The following GUCY2D variants were observed in gnomAD, a reference collection of about 807,000 sequenced individuals.
GUCY2D encodes the protein guanylate cyclase 2D, retinal, also known as retinal guanylyl cyclase 1.
In GUCY2D, 70 loss-of-function variants were observed where a neutral mutation model predicts 101.3. The ratio of observed to expected loss-of-function variants is 0.69; its 90% confidence interval spans 0.57 to 0.84. The LOEUF is 0.84. Among genes scored for constraint, GUCY2D ranks in the 40% least tolerant of loss-of-function variants. The probability of loss-of-function intolerance (pLI) is 0.00; values close to 1 mark genes in which losing one functional copy is unlikely to be tolerated. For synonymous variants in GUCY2D, 688 were observed against 670.7 expected (o/e 1.03, Z -0.40); for missense variants, 1,460 against 1,542.5 (o/e 0.95, Z 0.90).
At chr17:8,012,918 A>G (rs1384587273) in intron 10 of GUCY2D, among the ~76,000 whole-genome samples, 185 bp from the exon 11 acceptor site, 2 of 152,218 alleles carry the variant, frequency 1.3e-5, no homozygotes, top group African/African-American at 4.8e-5. Context: ...TCTGAAGGGC[A>G]AGGCCTATTT....
Position 8,002,781 on chromosome 17 carries a change from G to T in GUCY2D, c.-10+47G>T. 2.1e-6 allele frequency: 1 copy of T among 475,736 alleles called. No individual in the cohort carries two copies. The highest frequency in any genetic ancestry group is 3.7e-6 in the Non-Finnish European group (1 of 270,046). The allele number at this position is 475,736 out of a possible 1,614,324, so 29.5% of individuals were successfully genotyped here. On this transcript the variant is annotated intron_variant, in intron 1 of 19. Coordinates refer to ENST00000254854, the MANE Select transcript of GUCY2D (RefSeq NM_000180.4). This position sits in a 1 kb window ranked among gnomAD's most constrained non-coding sequence, Gnocchi z 4.9. ...GCTGGGATAGGGTCGGTCTGAGGGCGCAGGCGAGTCCCTGCTGACCCCTGA... is the reference window on the plus strand; with the variant it reads ...GCTGGGATAGGGTCGGTCTGAGGGCTCAGGCGAGTCCCTGCTGACCCCTGA...
At position 8,014,129 on chromosome 17, in the gene GUCY2D, C is replaced by G; in HGVS notation, c.2412+101C>G. 8.9e-7 allele frequency: 1 copy of G among 1,124,760 alleles called. No individual in the cohort carries two copies. The highest frequency in any genetic ancestry group is 1.3e-6 in the Non-Finnish European group (1 of 748,016). The allele number at this position is 1,124,760 out of a possible 1,614,324, so 69.7% of individuals were successfully genotyped here. On this transcript the variant is annotated intron_variant, in intron 12 of 19. Coordinates refer to ENST00000254854, the MANE Select transcript of GUCY2D (RefSeq NM_000180.4). The surrounding 1 kb of genome is among the most constrained non-coding windows in gnomAD (Gnocchi z 4.0). ...GCAGACAGGCAGGCTGGCAGGACCT[C>G]TGGCCTTCCAGGCTACCTCCTAAGG... is the stretch of plus-strand genomic sequence containing the variant.
chr17:8,014,078 A>G lies in GUCY2D; in HGVS notation c.2412+50A>G, dbSNP rs377617525. 6.4e-7 allele frequency: 1 copy of G among 1,552,254 alleles called. No individual in the cohort carries two copies. The highest frequency in any genetic ancestry group is 8.8e-7 in the Non-Finnish European group (1 of 1,130,990). On this transcript the variant is annotated intron_variant, in intron 12 of 19. Coordinates refer to ENST00000254854, the MANE Select transcript of GUCY2D (RefSeq NM_000180.4). This position sits in a 1 kb window ranked among gnomAD's most constrained non-coding sequence, Gnocchi z 4.0. Reference sequence around the variant, plus strand: ...ACTGGGCTGGCCTCTGGGATCCCAGATGCTTGTCAGCAACCTGAGACAGCT... The same window carrying G: ...ACTGGGCTGGCCTCTGGGATCCCAGGTGCTTGTCAGCAACCTGAGACAGCT...
intron 19 of GUCY2D, among the ~76,000 whole-genome samples, chr17:8,018,693 A>T (rs760943859): frequency 3.9e-5 from 6 of 151,982 alleles, no homozygotes; most frequent in Non-Finnish European, 8.8e-5. Flanking sequence ...CTTTATCCAG[A>T]TGTCGCCACT....
In GUCY2D at chr17:8,003,097, G is replaced by A. The variant is rs757041611; in HGVS notation, c.50G>A (p.Cys17Tyr). 7.9e-6 allele frequency: 12 copies of A among 1,524,040 alleles called. No individual in the cohort carries two copies. The highest frequency in any genetic ancestry group is 4.0e-5 in the Admixed American group (2 of 50,018). 94.4% of individuals were successfully genotyped at this position (1,524,040 alleles called of 1,614,324 possible). Reference sequence around the variant, plus strand: ...GGTGGGCTTCCGGACCCCGGGCTCTGCGGTCCCGCGTGGTGGGCTCCGTCC... The same window carrying A: ...GGTGGGCTTCCGGACCCCGGGCTCTACGGTCCCGCGTGGTGGGCTCCGTCC... ...RAGGLPDPGLCGPAWWAPSLP... is the reference protein window; with the variant it reads ...RAGGLPDPGLYGPAWWAPSLP... Residue 17 changes from cysteine to tyrosine, a missense_variant, in exon 2 of 20, where the codon TGC becomes TAC. Cys to Tyr is a radical substitution (Grantham distance 194). Around this residue, in one of 3 missense-constraint regions of GUCY2D, gnomAD observed 1,196 missense variants for 1,229.6 expected, o/e 0.97. Coordinates refer to ENST00000254854, the MANE Select transcript of GUCY2D (RefSeq NM_000180.4).
rs1166312966 is a variant in GUCY2D at position 8,013,964 on chromosome 17, T to C, written c.2348T>C (p.Leu783Pro). The change falls in exon 12 of 20, where the codon CTG becomes CCG. Residue 783 changes from leucine (L) to proline (P), a missense_variant. By Grantham distance (98) the Leu-to-Pro change is moderately conservative. This residue lies in a region of GUCY2D where 1,196 missense variants were observed against 1,229.6 expected (regional missense o/e 0.97). Coordinates refer to ENST00000254854, the MANE Select transcript of GUCY2D (RefSeq NM_000180.4). This position sits in a 1 kb window ranked among gnomAD's most constrained non-coding sequence, Gnocchi z 5.0. Reference sequence around the variant, plus strand: ...CAGGCACCTGTCGAGTGTATCCTCCTGATGAAGCAGTGCTGGGCAGAGCAG... The same window carrying C: ...CAGGCACCTGTCGAGTGTATCCTCCCGATGAAGCAGTGCTGGGCAGAGCAG... The part of the protein sequence containing the change: ...MDQAPVECIL[L>P]MKQCWAEQPE... The C allele has an allele frequency of 6.2e-7, 1 of 1,613,764 alleles. No individual in the cohort carries two copies. The highest frequency in any genetic ancestry group is 8.5e-7 in the Non-Finnish European group (1 of 1,179,728).
At position 8,009,352 on chromosome 17, in the gene GUCY2D, G is replaced by A. The variant is rs573465617; in HGVS notation, c.1669-154G>A. On this transcript the variant is annotated intron_variant, in intron 7 of 19. Coordinates refer to ENST00000254854, the MANE Select transcript of GUCY2D (RefSeq NM_000180.4). Reference sequence around the variant, plus strand: ...TCCCAGATGGCTGTGAAGTGGATGGGCATACATCAAACCCCTTGGTTCAAT... The same window carrying A: ...TCCCAGATGGCTGTGAAGTGGATGGACATACATCAAACCCCTTGGTTCAAT... Among the ~76,000 whole-genome samples the A allele has an allele frequency of 1.3e-4, 20 of 152,318 alleles. No homozygotes were observed. In the South Asian group the frequency reaches 3.3e-3, roughly 25 times the overall value.
intron 7 of GUCY2D, 50 bp downstream of exon 7, chr17:8,008,082 G>A (rs781635721): frequency 1.7e-6 from 2 of 1,188,168 alleles, no homozygotes. Context: ...AGAATGCTCA[G>A]GCCCTGGGCA....
chr17:8,013,847 G>A lies in GUCY2D; in HGVS notation c.2264-33G>A. 2 of 1,603,554 alleles carry A rather than the reference G, an allele frequency of 1.2e-6. No homozygotes were observed. The highest frequency in any genetic ancestry group is 1.3e-5 in the African/African-American group (1 of 74,804). On this transcript the variant is annotated intron_variant, in intron 11 of 19. Coordinates refer to ENST00000254854, the MANE Select transcript of GUCY2D (RefSeq NM_000180.4). The surrounding 1 kb of genome is among the most constrained non-coding windows in gnomAD (Gnocchi z 5.0). The stretch of plus-strand genomic sequence containing the variant: ...CAGAGGCAGCCTTTGTGTTCTGGGG[G>A]CACTCCCCCTCACTGTCCCCTCATG...
At chr17:8,007,560 T>A (rs1432841727) in intron 6 of GUCY2D, 32 bp downstream of exon 6, 2 of 1,393,850 alleles carry the variant, frequency 1.4e-6, no homozygotes, top group Admixed American at 1.7e-5. Context: ...GAGCCAGTTG[T>A]CTTCTTTCCG....
At position 8,002,969 on chromosome 17, in the gene GUCY2D, G is replaced by C; in HGVS notation, c.-9-70G>C. The C allele has an allele frequency of 1.7e-6, 2 of 1,211,458 alleles. No homozygotes were observed. The allele number at this position is 1,211,458 out of a possible 1,614,324, so 75.0% of individuals were successfully genotyped here. On this transcript the variant is annotated intron_variant, in intron 1 of 19. Transcript: ENST00000254854. The surrounding 1 kb of genome is among the most constrained non-coding windows in gnomAD (Gnocchi z 4.9). ...GGGTTACTCGGGCTTGGAGAAACTC[G>C]GGGTTACGGGGAGAACCCTAGGGGA...
chr17:8,018,717 G>A (rs1276387059), intron 19 of GUCY2D, among the ~76,000 whole-genome samples: 2 of 151,944 alleles, frequency 1.3e-5, no homozygotes, highest in African/African-American at 2.4e-5. Context: ...CACAGACTCC[G>A]AGACACCAAG....
chr17:8,009,390 A>G, intron 7 of GUCY2D, 116 bp from the exon 8 acceptor site: 1 of 792,738 alleles, frequency 1.3e-6, no homozygotes, highest in African/African-American at 1.7e-5. Context: ...ATTTTGTCAC[A>G]TGGAAGATGC....
At position 8,016,511 on chromosome 17, in the gene GUCY2D, G is replaced by A. The variant is rs1430847788; in HGVS notation, c.3293G>A (p.Arg1098Gln). 9 of 1,571,088 alleles carry A rather than the reference G, an allele frequency of 5.7e-6. No homozygotes were observed. Among genetic ancestry groups the A allele is most frequent in the Middle Eastern group, 1.7e-4 (1 of 6,030 alleles). Residue 1098 changes from arginine to glutamine, a missense_variant, in exon 19 of 20, where the codon CGG (arginine) becomes CAG (glutamine). Physicochemically the swap from Arg to Gln is conservative, Grantham distance 43 (BLOSUM62 1). Coordinates refer to ENST00000254854, the MANE Select transcript of GUCY2D (RefSeq NM_000180.4). ...PERRRKLEKA[R>Q]PGQFS is the part of the protein sequence containing the mutation. ...CGGCGACGGAAGCTGGAGAAGGCGC[G>A]GCCGGGCCAGTTCTCTTGAGAAGTG...
At chr17:8,015,663 G>A (rs1975953861) in intron 15 of GUCY2D, 80 bp from the exon 16 acceptor site, 2 of 1,232,946 alleles carry the variant, frequency 1.6e-6, no homozygotes, top group Non-Finnish European at 2.3e-6. Flanking sequence ...GATAATGGGT[G>A]CGAAGATCCC....
At chr17:8,007,604 C>A in intron 6 of GUCY2D, 76 bp downstream of exon 6, 1 of 884,376 alleles carries the variant, frequency 1.1e-6, no homozygotes, top group South Asian at 1.3e-5. Flanking sequence ...CAGTCCCGAC[C>A]CCAGCTCCCT....
Position 8,012,325 on chromosome 17 carries a change from C to A in GUCY2D, c.1931C>A (p.Ser644Tyr). Residue 644 changes from serine to tyrosine, a missense_variant, in exon 9 of 20, where the codon TCC (serine) becomes TAC (tyrosine). By Grantham distance (144) the Ser-to-Tyr change is moderately radical. Transcript: ENST00000254854. ...REIKLDWMFK[S>Y]SLLLDLIKGI... ...ATAAAGCTGGACTGGATGTTCAAGTCCTCCCTCCTGCTGGACCTTATCAAG... is the reference window on the plus strand; with the variant it reads ...ATAAAGCTGGACTGGATGTTCAAGTACTCCCTCCTGCTGGACCTTATCAAG... The A allele has an allele frequency of 6.2e-7, 1 of 1,613,902 alleles. No individual in the cohort carries two copies. The highest frequency in any genetic ancestry group is 1.1e-5 in the South Asian group (1 of 91,072).
In GUCY2D at chr17:8,012,737, A is replaced by G. The variant is rs935247532; in HGVS notation, c.2113+131A>G. The G allele has an allele frequency of 7.5e-6, 6 of 805,172 alleles. No homozygotes were observed. The African/African-American group carries it at 1.0e-4, about 14-fold the overall frequency. The allele number at this position is 805,172 out of a possible 1,614,324, so 49.9% of individuals were successfully genotyped here. A position where few individuals can be genotyped will look rare whatever the true frequency, so the allele number is the denominator to read the frequency against. Reference sequence around the variant, plus strand: ...ATCCACCAGACACAATTCCTGCTACAGAAAAGATCTTGTGGCCTCTGAGAG... The same window carrying G: ...ATCCACCAGACACAATTCCTGCTACGGAAAAGATCTTGTGGCCTCTGAGAG... On this transcript the variant is annotated intron_variant, in intron 10 of 19. Coordinates refer to ENST00000254854, the MANE Select transcript of GUCY2D (RefSeq NM_000180.4).
At chr17:8,012,638 C>T (rs758442320) in intron 10 of GUCY2D, 32 bp downstream of exon 10, 86 of 1,569,992 alleles carry the variant, frequency 5.5e-5, no homozygotes, top group Admixed American at 1.5e-4. Flanking sequence ...GAGGATCCAC[C>T]GGGATCCCCA....
Sources: allele counts gnomAD v4.1 joint callset (sites outside exome capture counted in the v4.1 genomes callset), GRCh38; gene constraint gnomAD v4.1.1; regional missense constraint gnomAD v4.1.1; non-coding constraint Gnocchi (gnomAD v3.1); transcripts MANE v1.5; gene names NCBI Gene and HGNC (gene_info 2026-07-23, HGNC 2026-07-21).